EDA: variants seen among roughly 807,000 people sequenced by gnomAD.
EDA encodes ectodysplasin A.
A neutral mutation model predicts 23.6 loss-of-function variants in EDA; 2 were observed. The observed-to-expected ratio is 0.08, with a 90% CI of 0.03 to 0.27. EDA has a LOEUF of 0.27. Among genes scored for constraint, EDA ranks in the 10% least tolerant of loss-of-function variants. EDA has a pLI of 1.00. For missense variants in EDA, 229 were observed against 324.2 expected (o/e 0.71, Z 2.26); for synonymous variants, 131 against 132.0 (o/e 0.99, Z 0.05).
intron 1 of EDA, among the ~76,000 whole-genome samples, chrX:69,927,341 A>G (rs2018536067): frequency 8.9e-6 from 1 of 111,794 alleles, no homozygotes; most frequent in East Asian, 2.8e-4. Flanking sequence ...CTTGCAAGGC[A>G]GGCTGGCAAT....
chrX:70,000,476 G>T (rs147079731), intron 2 of EDA, among the ~76,000 whole-genome samples: 45 of 112,285 alleles, frequency 4.0e-4, no homozygotes, highest in Non-Finnish European at 7.5e-4. Flanking sequence ...AACTGAAAAA[G>T]AACTTTCTAC....
intron 1 of EDA, among the ~76,000 whole-genome samples, chrX:69,684,030 G>T (rs1569295803): frequency 1.8e-5 from 2 of 112,210 alleles, no homozygotes; most frequent in South Asian, 3.7e-4. Context: ...CAATGATCTA[G>T]TACATCACCT....
In EDA at chrX:69,838,704, G is replaced by A. The variant is rs756798116; in HGVS notation, c.397-118323G>A. Among the ~76,000 whole-genome samples the A allele has an allele frequency of 7.9e-4, 89 of 112,610 alleles. 2 individuals are homozygous for A. The highest frequency in any genetic ancestry group is 7.5e-5 in the Non-Finnish European group (4 of 53,336). On this transcript the variant is annotated intron_variant, in intron 1 of 7. Transcript: ENST00000374552. ...TCCTGCTACAGCACATTTCAACAGC[G>A]TTATGGTAAAGTGGACAATCAATTC...
At chrX:69,982,001 G>T (rs1024770095) in intron 2 of EDA, among the ~76,000 whole-genome samples, 1 of 111,474 alleles carries the variant, frequency 9.0e-6, no homozygotes, top group Non-Finnish European at 1.9e-5. Context: ...AGTGGTTGGA[G>T]GAGAGGGGAA....
intron 1 of EDA, among the ~76,000 whole-genome samples, chrX:69,863,757 A>G (rs1301115301): frequency 2.8e-5 from 3 of 107,718 alleles, no homozygotes; most frequent in African/African-American, 1.0e-4. Context: ...GTGTGTGTGT[A>G]TATATATTCT....
intron 1 of EDA, among the ~76,000 whole-genome samples, chrX:69,895,395 T>TACACACACAC (rs200298403): frequency 3.4e-3 from 297 of 86,157 alleles, no homozygotes; most frequent in African/African-American, 8.7e-3. Context: ...TTTCTCAACC[T>TACACACACAC]ACACACACAC....
intron 1 of EDA, among the ~76,000 whole-genome samples, chrX:69,914,197 G>A (rs897014953): frequency 1.8e-5 from 2 of 111,954 alleles, no homozygotes; most frequent in Non-Finnish European, 3.8e-5. Flanking sequence ...TGTTTAAAAC[G>A]CAGTATGTGT....
intron 1 of EDA, among the ~76,000 whole-genome samples, chrX:69,678,006 T>C (rs1934171135): frequency 9.1e-6 from 1 of 110,315 alleles, no homozygotes; most frequent in Non-Finnish European, 1.9e-5. Context: ...GTATAAGGTG[T>C]AAGGAAGGGA....
chrX:69,771,632 C>T (rs1430349052), intron 1 of EDA, among the ~76,000 whole-genome samples: 1 of 111,594 alleles, frequency 9.0e-6, no homozygotes, highest in Non-Finnish European at 1.9e-5. Context: ...ATGCAAAATA[C>T]CATTAAGTTG....
At chrX:69,851,298 C>T (rs190905493) in intron 1 of EDA, among the ~76,000 whole-genome samples, 6 of 111,480 alleles carry the variant, frequency 5.4e-5, no homozygotes, top group Non-Finnish European at 7.5e-5. Context: ...TGCTCAATTT[C>T]TTCCTTCATG....
intron 1 of EDA, among the ~76,000 whole-genome samples, chrX:69,831,128 A>G (rs2016598772): frequency 9.0e-6 from 1 of 111,551 alleles, no homozygotes; most frequent in African/African-American, 3.3e-5. Flanking sequence ...AGTTTGATAC[A>G]TAAGTATACT....
chrX:69,751,230 C>G (rs779489031), intron 1 of EDA, among the ~76,000 whole-genome samples: 66 of 109,109 alleles, frequency 6.0e-4, no homozygotes, highest in Non-Finnish European at 1.1e-3. Flanking sequence ...CCAGTTTCAG[C>G]TTTCTACATA....
intron 1 of EDA, among the ~76,000 whole-genome samples, chrX:69,740,651 T>C (rs1450142833): frequency 7.3e-5 from 8 of 109,245 alleles, no homozygotes; most frequent in African/African-American, 2.7e-4. Flanking sequence ...ACTTGGAGTT[T>C]GTTGAGCTTT....
intron 1 of EDA, among the ~76,000 whole-genome samples, chrX:69,819,432 A>G (rs2016158006): frequency 8.9e-6 from 1 of 112,285 alleles, no homozygotes; most frequent in Non-Finnish European, 1.9e-5. Flanking sequence ...GATGAAGTCA[A>G]ATTATCTTTG....
chrX:69,684,012 C>T (rs998852392), intron 1 of EDA, among the ~76,000 whole-genome samples: 1 of 111,944 alleles, frequency 8.9e-6, no homozygotes, highest in Non-Finnish European at 1.9e-5. Context: ...CAATATACAG[C>T]TGGAATTCAA....
At chrX:69,635,359 A>G (rs1932753887) in intron 1 of EDA, among the ~76,000 whole-genome samples, 1 of 110,992 alleles carries the variant, frequency 9.0e-6, no homozygotes, top group African/African-American at 3.3e-5. Context: ...TAGTATTTCT[A>G]TTGGAAATCT....
intron 1 of EDA, among the ~76,000 whole-genome samples, chrX:69,673,540 G>C (rs1377389217): frequency 9.2e-6 from 1 of 108,268 alleles, no homozygotes; most frequent in Non-Finnish European, 1.9e-5. Flanking sequence ...CTTCCTTTTA[G>C]ATGGTAACAA....
intron 2 of EDA, among the ~76,000 whole-genome samples, chrX:70,019,674 A>T (rs1362403019): frequency 1.8e-5 from 2 of 112,342 alleles, no homozygotes. Context: ...CTTCTCACTT[A>T]TAAGTGGGAG....
At chrX:69,802,308 A>G (rs1331785510) in intron 1 of EDA, among the ~76,000 whole-genome samples, 1 of 109,129 alleles carries the variant, frequency 9.2e-6, no homozygotes, top group Non-Finnish European at 1.9e-5. Context: ...AAATATCCTC[A>G]ACAATTCTAT....
Sources: gnomAD v4.1 joint callset for allele counts (sites outside exome capture counted in the v4.1 genomes callset) on GRCh38, gnomAD v4.1.1 for gene constraint, MANE v1.5 for transcripts, NCBI Gene and HGNC (gene_info 2026-07-23, HGNC 2026-07-21) for gene names.